FNDC3A: variants seen among roughly 807,000 people sequenced by gnomAD.
FNDC3A encodes fibronectin type-III domain-containing protein 3A.
Under a neutral mutation model 148.9 loss-of-function variants are expected in FNDC3A, and 32 were observed. That is an observed-to-expected ratio of 0.21 (90% confidence interval 0.16 to 0.29). The LOEUF (loss-of-function observed/expected upper bound fraction) is 0.29, where lower values mean the gene tolerates loss of function less well. Ranked by LOEUF, FNDC3A falls within the 10% of genes least tolerant of loss-of-function variation. The pLI, the probability that FNDC3A is intolerant of heterozygous loss-of-function variation, is 1.00. For synonymous variants in FNDC3A, 472 were observed against 473.6 expected, an observed-to-expected ratio of 1.00 and a Z score of 0.04; for missense variants, 1,191 against 1,452.8, an observed-to-expected ratio of 0.82 and a Z score of 2.93.
intron 16 of FNDC3A, chr13:49,187,531 G>T (rs1885645294): frequency 3.7e-6 from 6 of 1,609,752 alleles, no homozygotes; most frequent in Non-Finnish European, 5.1e-6. Context: ...AGCAAATGCA[G>T]ATCCAAAGTA....
chr13:49,137,967 A>G (rs1882476272), intron 6 of FNDC3A, among the ~76,000 whole-genome samples: 1 of 152,220 alleles, frequency 6.6e-6, no homozygotes, highest in African/African-American at 2.4e-5. Context: ...TCATTTCACA[A>G]GCACCAATAA....
intron 3 of FNDC3A, among the ~76,000 whole-genome samples, chr13:49,077,236 G>A (rs1878177144): frequency 6.6e-6 from 1 of 152,210 alleles, no homozygotes; most frequent in Non-Finnish European, 1.5e-5. Context: ...TCATACCAGT[G>A]CACTCCAGCC....
intron 7 of FNDC3A, among the ~76,000 whole-genome samples, chr13:49,142,317 C>CT (rs1336432776): frequency 1.3e-5 from 2 of 152,156 alleles, no homozygotes; most frequent in African/African-American, 4.8e-5. Flanking sequence ...GGTTAGATCT[C>CT]TTTCGTTTCT....
At chr13:49,006,742 G>T (rs1044727463) in intron 2 of FNDC3A, among the ~76,000 whole-genome samples, 3 of 151,756 alleles carry the variant, frequency 2.0e-5, no homozygotes, top group Admixed American at 1.3e-4. Flanking sequence ...CCCAGCCCAG[G>T]TCTTTATTTA....
intron 3 of FNDC3A, among the ~76,000 whole-genome samples, chr13:49,111,480 C>G (rs144077544): frequency 6.4e-4 from 98 of 152,158 alleles, no homozygotes; most frequent in African/African-American, 2.0e-3. Flanking sequence ...AATCCTAGCA[C>G]TTTGGGAGCC....
intron 2 of FNDC3A, among the ~76,000 whole-genome samples, chr13:49,023,809 C>T (rs1165394579): frequency 6.6e-6 from 1 of 151,848 alleles, no homozygotes; most frequent in Non-Finnish European, 1.5e-5. Flanking sequence ...TGCAAGTGTC[C>T]TTACATTAGA....
chr13:49,057,725 T>C (rs1876356185), intron 2 of FNDC3A, among the ~76,000 whole-genome samples: 4 of 152,108 alleles, frequency 2.6e-5, no homozygotes, highest in Admixed American at 2.6e-4. Flanking sequence ...TCAACCAATA[T>C]CAAACTAAGC....
intron 1 of FNDC3A, among the ~76,000 whole-genome samples, chr13:49,005,663 G>T (rs536823307): frequency 6.6e-6 from 1 of 151,970 alleles, no homozygotes; most frequent in East Asian, 1.9e-4. Context: ...TGAGGAATCA[G>T]TGAAAAATCA....
At chr13:49,006,355 A>C in intron 2 of FNDC3A, 66 bp downstream of exon 2, 1 of 773,488 alleles carries the variant, frequency 1.3e-6, no homozygotes. Flanking sequence ...AATTTAAAAC[A>C]GATCACAATA....
At chr13:49,093,214 C>G (rs1457567001) in intron 3 of FNDC3A, among the ~76,000 whole-genome samples, 1 of 152,152 alleles carries the variant, frequency 6.6e-6, no homozygotes, top group Non-Finnish European at 1.5e-5. Flanking sequence ...CCGCTCTCCT[C>G]CCCGTAGCAC....
At chr13:49,019,869 C>G (rs1873185671) in intron 2 of FNDC3A, among the ~76,000 whole-genome samples, 2 of 152,082 alleles carry the variant, frequency 1.3e-5, no homozygotes, top group Non-Finnish European at 2.9e-5. Context: ...GTTTCTTATT[C>G]TTTGGTTAAA....
At chr13:49,046,144 G>A (rs1875388031) in intron 2 of FNDC3A, 1 of 157,182 alleles carries the variant, frequency 6.4e-6, no homozygotes, top group African/African-American at 2.4e-5. Flanking sequence ...AGAACTTCAT[G>A]TAAAGTATCA....
At chr13:49,032,003 A>G (rs572507782) in intron 2 of FNDC3A, among the ~76,000 whole-genome samples, 28 of 152,370 alleles carry the variant, frequency 1.8e-4, no homozygotes, top group African/African-American at 6.5e-4. Flanking sequence ...TCATTTCTTC[A>G]AAGAAGTTAT....
chr13:49,043,857 A>G (rs1277567865), intron 2 of FNDC3A, among the ~76,000 whole-genome samples: 1 of 151,330 alleles, frequency 6.6e-6, no homozygotes, highest in African/African-American at 2.5e-5. Context: ...TCAAAAGATT[A>G]AATAAATACT....
chr13:48,988,697 G>C (rs1951850517), intron 1 of FNDC3A, among the ~76,000 whole-genome samples: 1 of 151,682 alleles, frequency 6.6e-6, no homozygotes, highest in Non-Finnish European at 1.5e-5. Context: ...AAGTAAATAA[G>C]TAAGTAAGCC....
At chr13:49,107,156 G>A (rs1248225936) in intron 3 of FNDC3A, among the ~76,000 whole-genome samples, 3 of 152,206 alleles carry the variant, frequency 2.0e-5, no homozygotes, top group Non-Finnish European at 4.4e-5. Context: ...TCTTTTGTAT[G>A]TATCAAATAT....
intron 3 of FNDC3A, among the ~76,000 whole-genome samples, chr13:49,103,298 G>A (rs1191724113): frequency 1.3e-5 from 2 of 152,146 alleles, no homozygotes; most frequent in Non-Finnish European, 2.9e-5. Context: ...TGATAAAATA[G>A]CAAAATAGTA....
intron 4 of FNDC3A, among the ~76,000 whole-genome samples, chr13:49,116,551 T>TTGGGA: frequency 6.6e-6 from 1 of 152,294 alleles, no homozygotes; most frequent in Admixed American, 6.5e-5. Flanking sequence ...TCCCAGCTCT[T>TTGGGA]TGGGAGGCCA....
At chr13:49,019,457 C>A (rs1457231611) in intron 2 of FNDC3A, among the ~76,000 whole-genome samples, 1 of 152,218 alleles carries the variant, frequency 6.6e-6, no homozygotes, top group Non-Finnish European at 1.5e-5. Flanking sequence ...CGCCCTGCTT[C>A]GGCTCACGCA....
Sources: gnomAD v4.1 joint callset for allele counts (sites outside exome capture counted in the v4.1 genomes callset) on GRCh38, gnomAD v4.1.1 for gene constraint, MANE v1.5 for transcripts, NCBI Gene and HGNC (gene_info 2026-07-23, HGNC 2026-07-21) for gene names.